The following PIP5K1B variants were observed in gnomAD, a reference collection of about 807,000 sequenced individuals.
PIP5K1B encodes phosphatidylinositol 4-phosphate 5-kinase type-1 beta.
Under a neutral mutation model 67.0 loss-of-function variants are expected in PIP5K1B, and 42 were observed. The observed-to-expected ratio is 0.63, with a 90% CI of 0.49 to 0.81. PIP5K1B has a LOEUF of 0.81. PIP5K1B is among the 30% of genes least tolerant of loss of function. The pLI is 0.00. For synonymous variants in PIP5K1B, 214 were observed against 231.4 expected (o/e 0.92, Z 0.68); for missense variants, 459 against 646.3 (o/e 0.71, Z 3.14).
intron 2 of PIP5K1B, among the ~76,000 whole-genome samples, chr9:68,749,694 T>G (rs1829521261): frequency 6.6e-6 from 1 of 152,138 alleles, no homozygotes; most frequent in African/African-American, 2.4e-5. Flanking sequence ...GAGCAGGGCT[T>G]CTCAACCTCG....
intron 4 of PIP5K1B, among the ~76,000 whole-genome samples, chr9:68,848,730 G>T (rs1211648554): frequency 6.6e-6 from 1 of 152,070 alleles, no homozygotes; most frequent in Non-Finnish European, 1.5e-5. Context: ...GAGAAGGCAT[G>T]GAAATTTTAT....
At chr9:68,895,554 G>C (rs902140949) in intron 8 of PIP5K1B, among the ~76,000 whole-genome samples, 7 of 151,878 alleles carry the variant, frequency 4.6e-5, no homozygotes, top group African/African-American at 1.5e-4. Flanking sequence ...GTGAAGGTGA[G>C]GAAGACAGTC....
At chr9:68,967,461 G>T (rs1415920908) in intron 14 of PIP5K1B, among the ~76,000 whole-genome samples, 3 of 152,176 alleles carry the variant, frequency 2.0e-5, no homozygotes, top group African/African-American at 7.2e-5. Context: ...ACAAGCAAGA[G>T]AAACTGAAGT....
intron 6 of PIP5K1B, among the ~76,000 whole-genome samples, chr9:68,877,059 C>G (rs185600630): frequency 1.2e-4 from 18 of 152,278 alleles, no homozygotes; most frequent in African/African-American, 4.1e-4. Context: ...ATTATTCTAA[C>G]AGATATGTTA....
intron 1 of PIP5K1B, among the ~76,000 whole-genome samples, chr9:68,740,250 C>G (rs918339871): frequency 6.6e-6 from 1 of 152,232 alleles, no homozygotes; most frequent in African/African-American, 2.4e-5. Context: ...TGTTGCGTAG[C>G]TCCTAACAAG....
chr9:68,796,497 T>A (rs1832300783), intron 2 of PIP5K1B, among the ~76,000 whole-genome samples: 1 of 152,210 alleles, frequency 6.6e-6, no homozygotes, highest in Admixed American at 6.5e-5. Context: ...TGTGTGTGAC[T>A]GAAAAAAGAA....
intron 4 of PIP5K1B, chr9:68,824,256 T>G: frequency 3.9e-6 from 2 of 518,750 alleles, no homozygotes; most frequent in Non-Finnish European, 7.7e-6. Flanking sequence ...CTGAAATTCT[T>G]GACCAAATTC....
chr9:68,902,572 A>C (rs73461621), intron 8 of PIP5K1B, among the ~76,000 whole-genome samples: 4,440 of 152,296 alleles, frequency 0.029, 196 homozygotes, highest in African/African-American at 0.095. Flanking sequence ...TGCTGTGAAC[A>C]TTTGTATACT....
chr9:68,839,429 C>T (rs1382630580), intron 4 of PIP5K1B, among the ~76,000 whole-genome samples: 1 of 152,026 alleles, frequency 6.6e-6, no homozygotes, highest in African/African-American at 2.4e-5. Flanking sequence ...GGTTACATCT[C>T]CTTTCGAGAA....
At chr9:68,785,531 A>G (rs1831561662) in intron 2 of PIP5K1B, among the ~76,000 whole-genome samples, 1 of 152,264 alleles carries the variant, frequency 6.6e-6, no homozygotes, top group Non-Finnish European at 1.5e-5. Context: ...TGACCTTTGT[A>G]TAAAAAGTAA....
intron 2 of PIP5K1B, among the ~76,000 whole-genome samples, chr9:68,776,934 C>T (rs1407566263): frequency 6.6e-6 from 1 of 152,156 alleles, no homozygotes; most frequent in African/African-American, 2.4e-5. Flanking sequence ...ATATATTAAA[C>T]ACTGCCTAGA....
intron 1 of PIP5K1B, among the ~76,000 whole-genome samples, chr9:68,738,144 T>C (rs1209401099): frequency 1.3e-5 from 2 of 152,174 alleles, no homozygotes; most frequent in South Asian, 2.1e-4. Flanking sequence ...GATAGAGATC[T>C]GAAAAATTCA....
chr9:68,757,908 C>T (rs560176287), intron 2 of PIP5K1B, among the ~76,000 whole-genome samples: 44 of 152,050 alleles, frequency 2.9e-4, no homozygotes, highest in Admixed American at 8.5e-4. Flanking sequence ...TATTTGAGGA[C>T]CCTGAAAAGT....
intron 14 of PIP5K1B, among the ~76,000 whole-genome samples, chr9:68,958,877 G>GT (rs1828553057): frequency 6.6e-6 from 1 of 152,138 alleles, no homozygotes; most frequent in Non-Finnish European, 1.5e-5. Flanking sequence ...GTATTTTATG[G>GT]TATTGCAAAT....
intron 12 of PIP5K1B, among the ~76,000 whole-genome samples, chr9:68,928,977 A>G (rs941065780): frequency 1.3e-5 from 2 of 152,172 alleles, no homozygotes; most frequent in Non-Finnish European, 2.9e-5. Context: ...AGCCTGACCA[A>G]CGTGGTGAAA....
At chr9:68,958,911 T>C (rs1235093529) in intron 14 of PIP5K1B, among the ~76,000 whole-genome samples, 1 of 152,212 alleles carries the variant, frequency 6.6e-6, no homozygotes, top group Non-Finnish European at 1.5e-5. Context: ...TGTATGGCAC[T>C]GAGAGGAGAA....
chr9:69,006,130 C>T (rs1393813907), intron 15 of PIP5K1B, among the ~76,000 whole-genome samples: 4 of 152,054 alleles, frequency 2.6e-5, no homozygotes, highest in African/African-American at 9.7e-5. Context: ...GGCTCAGCCC[C>T]ACAAAGTGCT....
intron 6 of PIP5K1B, among the ~76,000 whole-genome samples, chr9:68,882,933 T>C (rs1028629388): frequency 1.3e-5 from 2 of 152,188 alleles, no homozygotes; most frequent in Non-Finnish European, 2.9e-5. Context: ...AGAACCTCAG[T>C]GTATCCTAGG....
chr9:68,981,242 A>G (rs370048688), intron 14 of PIP5K1B, among the ~76,000 whole-genome samples: 181 of 152,324 alleles, frequency 1.2e-3, no homozygotes, highest in African/African-American at 4.1e-3. Context: ...TTGATGGAAT[A>G]AAAAAGCTCA....
Sources: gnomAD v4.1 joint callset for allele counts (sites outside exome capture counted in the v4.1 genomes callset) on GRCh38, gnomAD v4.1.1 for gene constraint, MANE v1.5 for transcripts, NCBI Gene and HGNC (gene_info 2026-07-23, HGNC 2026-07-21) for gene names.